PDSS2: variants seen among roughly 807,000 people sequenced by gnomAD.
PDSS2 encodes all trans-polyprenyl-diphosphate synthase PDSS2.
PDSS2 carries 31 observed loss-of-function variants against 44.5 expected under a neutral mutation model. The observed-to-expected ratio is 0.70, with a 90% confidence interval of 0.52 to 0.94. The LOEUF is 0.94. Ranked by LOEUF, PDSS2 falls within the 40% of genes least tolerant of loss-of-function variation. The probability of loss-of-function intolerance (pLI) is 0.00; values close to 1 mark genes in which losing one functional copy is unlikely to be tolerated. For missense variants in PDSS2, 452 were observed against 482.2 expected (o/e 0.94, Z 0.59); for synonymous variants, 157 against 180.3 (o/e 0.87, Z 1.03).
chr6:107,446,353 C>A (rs910451950), intron 1 of PDSS2, among the ~76,000 whole-genome samples: 1 of 151,964 alleles, frequency 6.6e-6, no homozygotes, highest in African/African-American at 2.4e-5. Context: ...CAGACAAACA[C>A]AAAGTTGCAG....
At chr6:107,364,983 C>G (rs1379587611) in intron 1 of PDSS2, among the ~76,000 whole-genome samples, 4 of 151,940 alleles carry the variant, frequency 2.6e-5, no homozygotes, top group Non-Finnish European at 5.9e-5. Context: ...CTTTGTATAC[C>G]CTGCAAAACT....
In PDSS2 at chr6:107,311,231, T is replaced by G. The variant is rs999598864; in HGVS notation, c.431+22967A>C. On this transcript the variant is annotated intron_variant, in intron 2 of 7. Coordinates refer to ENST00000369037, the MANE Select transcript of PDSS2 (RefSeq NM_020381.4). ...TTTTTTTTGAGACAGGGTCTTGCTC[T>G]GTCACTCAGGGTGGAGTGCAGTGGT... Among the ~76,000 whole-genome samples, 3 of 147,880 alleles carry G rather than the reference T, an allele frequency of 2.0e-5. No individual in the cohort carries two copies. In the Admixed American group the frequency reaches 2.1e-4, roughly 10 times the overall value.
intron 4 of PDSS2, among the ~76,000 whole-genome samples, chr6:107,235,801 T>G (rs1472167301): frequency 6.6e-6 from 1 of 152,106 alleles, no homozygotes; most frequent in Non-Finnish European, 1.5e-5. Flanking sequence ...ATAACTATAT[T>G]CCATATGGCC....
intron 1 of PDSS2, among the ~76,000 whole-genome samples, chr6:107,360,271 T>A (rs1266358096): frequency 6.6e-6 from 1 of 152,210 alleles, no homozygotes; most frequent in African/African-American, 2.4e-5. Flanking sequence ...CTCTGTCTCA[T>A]GCATCTTCCT....
At chr6:107,174,836 T>C (rs183300273) in intron 7 of PDSS2, among the ~76,000 whole-genome samples, 38 of 152,264 alleles carry the variant, frequency 2.5e-4, no homozygotes, top group Admixed American at 6.5e-4. Flanking sequence ...TGTTTCCCAA[T>C]ATTAGAAAAG....
At chr6:107,388,479 C>T (rs975176498) in intron 1 of PDSS2, among the ~76,000 whole-genome samples, 2 of 142,874 alleles carry the variant, frequency 1.4e-5, no homozygotes, top group African/African-American at 2.6e-5. Context: ...GACGGAGTCT[C>T]GCTCTGTCGC....
chr6:107,433,896 A>C (rs936125290), intron 1 of PDSS2, among the ~76,000 whole-genome samples: 4 of 152,246 alleles, frequency 2.6e-5, no homozygotes, highest in African/African-American at 9.6e-5. Flanking sequence ...TAATAACAAG[A>C]ATATACAAGG....
At chr6:107,245,522 C>T in intron 4 of PDSS2, 26 bp downstream of exon 4, 1 of 1,240,164 alleles carries the variant, frequency 8.1e-7, no homozygotes. Flanking sequence ...TATAACATAA[C>T]ATTTTATGAC....
intron 2 of PDSS2, among the ~76,000 whole-genome samples, chr6:107,288,902 G>A (rs575782611): frequency 2.5e-4 from 38 of 150,674 alleles, no homozygotes; most frequent in Admixed American, 7.9e-4. Context: ...GGGATTACAC[G>A]TGTCCGCCAC....
At chr6:107,313,574 A>C (rs1333181465) in intron 2 of PDSS2, among the ~76,000 whole-genome samples, 1 of 151,880 alleles carries the variant, frequency 6.6e-6, no homozygotes, top group Admixed American at 6.6e-5. Context: ...GCTGGTCTCG[A>C]ACTCCTGACC....
At chr6:107,297,708 T>C (rs1168008352) in intron 2 of PDSS2, among the ~76,000 whole-genome samples, 1 of 151,208 alleles carries the variant, frequency 6.6e-6, no homozygotes, top group Non-Finnish European at 1.5e-5. Flanking sequence ...CATGAAAGGA[T>C]GAAGGTGAGA....
chr6:107,459,503 C>T lies in PDSS2; in HGVS notation c.-218G>A. ...CAACAGTCCCAGCTCAGCACTGCCC[C>T]CGGCCACCCGGGGTAGAAACCACAG... On this transcript the variant is annotated 5_prime_UTR_variant, in exon 1 of 8. Coordinates refer to ENST00000369037, the MANE Select transcript of PDSS2 (RefSeq NM_020381.4). The surrounding 1 kb of genome is among the most constrained non-coding windows in gnomAD (Gnocchi z 4.3). 2 of 581,644 alleles carry T rather than the reference C, an allele frequency of 3.4e-6. No individual in the cohort carries two copies. The highest frequency in any genetic ancestry group is 4.1e-5 in the South Asian group (2 of 48,762). The allele number at this position is 581,644 out of a possible 1,614,324, so 36.0% of individuals were successfully genotyped here. A position where few individuals can be genotyped will look rare whatever the true frequency, so the allele number is the denominator to read the frequency against.
At chr6:107,157,088 C>T (rs1229279853) in intron 7 of PDSS2, among the ~76,000 whole-genome samples, 1 of 152,178 alleles carries the variant, frequency 6.6e-6, no homozygotes, top group Non-Finnish European at 1.5e-5. Flanking sequence ...CTTCCAATAG[C>T]CTTAAGAGAA....
At chr6:107,176,413 AAC>A (rs1276770931) in intron 7 of PDSS2, among the ~76,000 whole-genome samples, 3 of 96,010 alleles carry the variant, frequency 3.1e-5, no homozygotes, top group African/African-American at 5.2e-5. Context: ...ATTCCCCCTT[AAC>A]ACACACACAC....
At chr6:107,339,777 A>G (rs1038337726) in intron 1 of PDSS2, among the ~76,000 whole-genome samples, 1 of 152,180 alleles carries the variant, frequency 6.6e-6, no homozygotes, top group Non-Finnish European at 1.5e-5. Context: ...CCAGGCTGAG[A>G]GCACTGTATG....
At chr6:107,282,868 CAA>C (rs1241936719) in intron 2 of PDSS2, among the ~76,000 whole-genome samples, 12 of 73,360 alleles carry the variant, frequency 1.6e-4, no homozygotes, top group South Asian at 4.6e-4. Context: ...GACTCCGTCT[CAA>C]AAAAAAAAAA....
intron 3 of PDSS2, among the ~76,000 whole-genome samples, chr6:107,251,143 C>T (rs534757740): frequency 3.4e-4 from 52 of 152,212 alleles, no homozygotes; most frequent in Non-Finnish European, 5.3e-4. Context: ...CGTGAGCCAC[C>T]GCACCCGGCC....
In PDSS2 at chr6:107,459,020, C is replaced by A. The variant is rs1281622071; in HGVS notation, c.266G>T (p.Gly89Val). 6.2e-7 allele frequency: 1 copy of A among 1,613,912 alleles called. No homozygotes were observed. The highest frequency in any genetic ancestry group is 8.5e-7 in the Non-Finnish European group (1 of 1,179,956). Residue 89 changes from glycine (G) to valine (V), a missense_variant, in exon 1 of 8, where the codon GGC (glycine) becomes GTC (valine). Gly to Val is a moderately radical substitution (Grantham distance 109). Transcript: ENST00000369037. The surrounding 1 kb of genome is among the most constrained non-coding windows in gnomAD (Gnocchi z 4.3). ...TGTGGTAAGCAGAGGGTGCTGAGTG[C>A]CCACCAGCTTCCGCACCTGCATAGC... is the stretch of plus-strand genomic sequence containing the variant. The part of the protein sequence containing the change: ...NIAMQVRKLV[G>V]TQHPLLTTAR...
intron 7 of PDSS2, among the ~76,000 whole-genome samples, chr6:107,156,580 T>C (rs1477055276): frequency 2.0e-5 from 3 of 152,216 alleles, no homozygotes; most frequent in Non-Finnish European, 4.4e-5. Context: ...GGGTTGCTCA[T>C]TCACAGCTGA....
Sources: gnomAD v4.1 joint callset for allele counts (sites outside exome capture counted in the v4.1 genomes callset) on GRCh38, gnomAD v4.1.1 for gene constraint, Gnocchi (gnomAD v3.1) non-coding constraint, MANE v1.5 for transcripts, NCBI Gene and HGNC (gene_info 2026-07-23, HGNC 2026-07-21) for gene names.